KATNAL2: variants seen among roughly 807,000 people sequenced by gnomAD.
The protein encoded by KATNAL2 is katanin catalytic subunit A1 like 2.
In KATNAL2, 52 loss-of-function variants were observed where a neutral mutation model predicts 76.3. The observed-to-expected ratio is 0.68, with a 90% CI of 0.55 to 0.86. KATNAL2 has a LOEUF of 0.86. Among genes scored for constraint, KATNAL2 ranks in the 40% least tolerant of loss-of-function variants. KATNAL2 has a pLI of 0.00. For synonymous variants in KATNAL2, 243 were observed against 244.2 expected (o/e 1.00, Z 0.05); for missense variants, 660 against 668.9 (o/e 0.99, Z 0.15).
rs1397324124 is a variant in KATNAL2, at chr18:47,046,483, A to G, written c.78A>G (p.Arg26=). The change falls in exon 4 of 18, where the codon CGA becomes CGG. Residue 26 remains arginine, a synonymous_variant. Transcript: ENST00000683218. ...GCGAGATGAGGACAGAAGCACGACG[A>G]AAAAATCTTCTCATTTTGATTTCGC... ...EACEMRTEAR[R]KNLLILISHY... is the part of the protein sequence containing the mutation. The G allele has an allele frequency of 6.5e-7, 1 of 1,536,026 alleles. No homozygotes were observed. The highest frequency in any genetic ancestry group is 1.2e-5 in the South Asian group (1 of 84,048).
At chr18:47,038,398 T>G (rs552962178) in intron 3 of KATNAL2, among the ~76,000 whole-genome samples, 8 of 152,308 alleles carry the variant, frequency 5.3e-5, no homozygotes, top group Non-Finnish European at 1.0e-4. Flanking sequence ...TTATTAGGGT[T>G]GCTATGAAAC....
At position 47,034,441 on chromosome 18, in the gene KATNAL2, T is replaced by G. The variant is rs768498912; in HGVS notation, c.52-12016T>G. 4.8e-5 allele frequency: 77 copies of G among 1,614,052 alleles called. No individual in the cohort carries two copies. Among genetic ancestry groups the G allele is most frequent in the Non-Finnish European group, 6.4e-5 (76 of 1,180,042 alleles). ...CTTGTCTGTCTTGAAGTCCGAAGGC[T>G]GCCTGTCCCTGGCACTTGCCCAGGA... On this transcript the variant is annotated intron_variant, in intron 3 of 17. Transcript: ENST00000683218.
chr18:47,073,614 A>T (rs537169808), intron 13 of KATNAL2, among the ~76,000 whole-genome samples: 3 of 152,154 alleles, frequency 2.0e-5, no homozygotes, highest in Non-Finnish European at 1.5e-5. Flanking sequence ...CCAATTAAAG[A>T]GTTATTTATA....
chr18:47,100,773 G>A (rs1026477137), intron 17 of KATNAL2, 93 bp from the exon 18 acceptor site: 2 of 1,421,232 alleles, frequency 1.4e-6, no homozygotes, highest in African/African-American at 1.4e-5. Context: ...GCTGCATTAT[G>A]CATTATTTTG....
chr18:46,935,994 G>A (rs2059079158), intron 1 of KATNAL2, among the ~76,000 whole-genome samples: 1 of 152,140 alleles, frequency 6.6e-6, no homozygotes, highest in Non-Finnish European at 1.5e-5. Flanking sequence ...TGCCATAGTT[G>A]AGACTTCCTT....
chr18:46,965,976 C>T (rs2060119413), intron 3 of KATNAL2, among the ~76,000 whole-genome samples: 1 of 150,970 alleles, frequency 6.6e-6, no homozygotes, highest in Non-Finnish European at 1.5e-5. Context: ...CTTTCTCTCT[C>T]TCTCTCTCAG....
chr18:47,031,474 A>G (rs1312901086), intron 3 of KATNAL2, among the ~76,000 whole-genome samples: 1 of 152,070 alleles, frequency 6.6e-6, no homozygotes, highest in Non-Finnish European at 1.5e-5. Flanking sequence ...TGCAGAAAGA[A>G]AATCATTATG....
intron 3 of KATNAL2, among the ~76,000 whole-genome samples, chr18:47,039,707 T>G (rs1402931081): frequency 6.6e-6 from 1 of 152,226 alleles, no homozygotes. Context: ...AGAGAACATT[T>G]GCACAAGTAC....
At chr18:46,933,336 G>C (rs1459429649) in intron 1 of KATNAL2, among the ~76,000 whole-genome samples, 4 of 152,192 alleles carry the variant, frequency 2.6e-5, no homozygotes, top group Non-Finnish European at 4.4e-5. Flanking sequence ...AAACTGAGTT[G>C]TGATTTTTGC....
intron 6 of KATNAL2, among the ~76,000 whole-genome samples, chr18:47,055,787 C>G (rs1017975170): frequency 6.6e-6 from 1 of 152,200 alleles, no homozygotes; most frequent in Non-Finnish European, 1.5e-5. Context: ...CTGGCAAATG[C>G]TCTGTGAGTG....
chr18:46,959,597 A>G (rs1021101648), intron 3 of KATNAL2, among the ~76,000 whole-genome samples: 1 of 152,176 alleles, frequency 6.6e-6, no homozygotes, highest in Non-Finnish European at 1.5e-5. Flanking sequence ...TTTTGGAGAC[A>G]GAGTCCCTCT....
intron 10 of KATNAL2, among the ~76,000 whole-genome samples, chr18:47,066,296 T>G (rs974314139): frequency 6.6e-6 from 1 of 152,184 alleles, no homozygotes; most frequent in African/African-American, 2.4e-5. Flanking sequence ...CCTTAGTGAC[T>G]GCTCTGAGGC....
chr18:46,933,741 TAACTC>T (rs2059003421), intron 1 of KATNAL2, among the ~76,000 whole-genome samples: 1 of 133,718 alleles, frequency 7.5e-6, no homozygotes, highest in South Asian at 2.8e-4. Flanking sequence ...CTGCACCCAT[TAACTC>T]GTCATTTAGC....
intron 1 of KATNAL2, among the ~76,000 whole-genome samples, chr18:46,923,307 G>A (rs2058630779): frequency 6.7e-6 from 1 of 148,358 alleles, no homozygotes; most frequent in Non-Finnish European, 1.5e-5. Flanking sequence ...ACCTGTGAGT[G>A]AGAACATGTG....
At chr18:47,088,720 C>T (rs750267355) in intron 15 of KATNAL2, among the ~76,000 whole-genome samples, 1 of 152,180 alleles carries the variant, frequency 6.6e-6, no homozygotes, top group Non-Finnish European at 1.5e-5. Flanking sequence ...TGTGCCACCA[C>T]ACCCGGCTAG....
At chr18:47,053,174 A>G in intron 5 of KATNAL2, 128 bp downstream of exon 5, 1 of 727,608 alleles carries the variant, frequency 1.4e-6, no homozygotes, top group East Asian at 2.6e-5. Context: ...AGGATTGTGT[A>G]GCCATTCTCA....
chr18:47,051,291 C>T (rs1213783272), intron 4 of KATNAL2, among the ~76,000 whole-genome samples: 1 of 151,882 alleles, frequency 6.6e-6, no homozygotes, highest in African/African-American at 2.4e-5. Context: ...AATAGCTGGG[C>T]GTGGTGGTGC....
intron 3 of KATNAL2, chr18:47,035,702 A>T (rs1199206957): frequency 3.9e-6 from 1 of 255,204 alleles, no homozygotes; most frequent in South Asian, 7.5e-5. Flanking sequence ...CGCCAGGTGG[A>T]CTGCTGTGCC....
At position 46,946,071 on chromosome 18, in the gene KATNAL2, A is replaced by C. The variant is rs2059376664; in HGVS notation, c.-495A>C. 2.5e-5 allele frequency: 10 copies of C among 404,308 alleles called. No homozygotes were observed. The highest frequency in any genetic ancestry group is 3.4e-5 in the Non-Finnish European group (10 of 297,802). 25.0% of individuals were successfully genotyped at this position (404,308 alleles called of 1,614,324 possible). On this transcript the variant is annotated 5_prime_UTR_variant, in exon 2 of 18. Transcript: ENST00000683218. ...TTTTTTTGTAGATTGAGGAAACTTG[A>C]ATATTTTTGTATCCTGAAGGGAGAA... is the stretch of plus-strand genomic sequence containing the variant.
Sources: gnomAD v4.1 joint callset for allele counts (sites outside exome capture counted in the v4.1 genomes callset) on GRCh38, gnomAD v4.1.1 for gene constraint, MANE v1.5 for transcripts, NCBI Gene and HGNC (gene_info 2026-07-23, HGNC 2026-07-21) for gene names.